EYS: variants seen among roughly 807,000 people sequenced by gnomAD.
EYS encodes EGF-like photoreceptor maintenance factor.
A neutral mutation model predicts 282.1 loss-of-function variants in EYS; 250 were observed. The ratio of observed to expected loss-of-function variants is 0.89; its 90% CI spans 0.80 to 0.98. The LOEUF (loss-of-function observed/expected upper bound fraction) is 0.98, where lower values mean the gene tolerates loss of function less well. EYS is among the 50% of genes least tolerant of loss of function. The pLI, the probability that EYS is intolerant of heterozygous loss-of-function variation, is 0.00. For missense variants in EYS, 4,016 were observed against 3,709.0 expected (o/e 1.08, Z -2.15); for synonymous variants, 1,355 against 1,282.9 (o/e 1.06, Z -1.20).
chr6:64,598,168 A>C (rs1313994408), intron 24 of EYS, among the ~76,000 whole-genome samples: 1 of 152,220 alleles, frequency 6.6e-6, no homozygotes, highest in African/African-American at 2.4e-5. Context: ...AAATTAAGAA[A>C]AAAGAGAAGG....
chr6:64,636,347 C>T (rs1201785516), intron 22 of EYS, among the ~76,000 whole-genome samples: 2 of 152,148 alleles, frequency 1.3e-5, no homozygotes, highest in African/African-American at 4.8e-5. Context: ...GGAAAGCGTT[C>T]CCTATTTAAC....
intron 28 of EYS, among the ~76,000 whole-genome samples, chr6:64,394,772 T>G (rs935858323): frequency 2.0e-5 from 3 of 151,924 alleles, no homozygotes; most frequent in Admixed American, 1.3e-4. Context: ...AAAGACAAAA[T>G]TGACAAATGG....
At chr6:64,727,506 A>T (rs1423143299) in intron 22 of EYS, among the ~76,000 whole-genome samples, 2 of 152,238 alleles carry the variant, frequency 1.3e-5, no homozygotes, top group Non-Finnish European at 2.9e-5. Flanking sequence ...CTCAGGGAAC[A>T]CATGTTATTG....
At chr6:64,970,477 C>T (rs1354036328) in intron 14 of EYS, among the ~76,000 whole-genome samples, 2 of 152,074 alleles carry the variant, frequency 1.3e-5, no homozygotes, top group African/African-American at 4.8e-5. Context: ...GAATTACAGG[C>T]GTGAACCACT....
intron 5 of EYS, among the ~76,000 whole-genome samples, chr6:65,421,868 A>G (rs1767475041): frequency 6.6e-6 from 1 of 151,936 alleles, no homozygotes; most frequent in Non-Finnish European, 1.5e-5. Flanking sequence ...AGTTTTCCGT[A>G]TTATATCGAT....
chr6:64,626,354 A>T (rs576307546), intron 22 of EYS, 109 bp from the exon 23 acceptor site: 1,770 of 1,332,992 alleles, frequency 1.3e-3, no homozygotes, highest in Non-Finnish European at 1.7e-3. Context: ...CTCCAACAAC[A>T]TGTAGCTGGG....
intron 22 of EYS, among the ~76,000 whole-genome samples, chr6:64,802,597 C>T (rs1272628750): frequency 6.6e-6 from 1 of 152,142 alleles, no homozygotes; most frequent in Admixed American, 6.6e-5. Flanking sequence ...ATTCATACTT[C>T]ATATTTTCAC....
At chr6:64,438,910 T>A (rs1774839457) in intron 27 of EYS, among the ~76,000 whole-genome samples, 1 of 151,606 alleles carries the variant, frequency 6.6e-6, no homozygotes, top group Non-Finnish European at 1.5e-5. Flanking sequence ...TGAAATCCAG[T>A]TAGCTTATTT....
intron 14 of EYS, among the ~76,000 whole-genome samples, chr6:64,982,998 C>G (rs1197715712): frequency 6.6e-6 from 1 of 151,142 alleles, no homozygotes; most frequent in Non-Finnish European, 1.5e-5. Flanking sequence ...AAATGGATGT[C>G]AAGCATAAAT....
At chr6:65,277,358 G>A (rs958724377) in intron 12 of EYS, among the ~76,000 whole-genome samples, 3 of 151,712 alleles carry the variant, frequency 2.0e-5, no homozygotes, top group East Asian at 3.9e-4. Flanking sequence ...GCTTGAACCC[G>A]GGAGCCAGAG....
At chr6:65,447,318 A>G (rs1489924029) in intron 5 of EYS, among the ~76,000 whole-genome samples, 1 of 87,758 alleles carries the variant, frequency 1.1e-5, no homozygotes, top group East Asian at 3.9e-4. Context: ...GTGTGTGTGT[A>G]TATATATGTG....
chr6:64,627,975 G>A (rs770877049), intron 22 of EYS, among the ~76,000 whole-genome samples: 2 of 152,188 alleles, frequency 1.3e-5, no homozygotes, highest in Non-Finnish European at 2.9e-5. Flanking sequence ...AGCTACTCAG[G>A]AGGCTGAGGC....
chr6:64,290,291 G>A (rs1750888015), intron 30 of EYS, among the ~76,000 whole-genome samples: 1 of 151,956 alleles, frequency 6.6e-6, no homozygotes, highest in Non-Finnish European at 1.5e-5. Context: ...CTTAATGACA[G>A]GGACTTTATT....
chr6:64,278,548 A>T (rs1768194641), intron 30 of EYS, among the ~76,000 whole-genome samples: 1 of 152,174 alleles, frequency 6.6e-6, no homozygotes, highest in Non-Finnish European at 1.5e-5. Context: ...GTTTACTGTA[A>T]TTAGGAACCC....
At chr6:64,330,046 G>C (rs192227640) in intron 29 of EYS, among the ~76,000 whole-genome samples, 4 of 152,236 alleles carry the variant, frequency 2.6e-5, no homozygotes, top group Admixed American at 1.3e-4. Context: ...GCCCAGACCT[G>C]AAGGCTTTCA....
At chr6:65,368,572 T>C (rs1234056708) in intron 8 of EYS, among the ~76,000 whole-genome samples, 1 of 151,746 alleles carries the variant, frequency 6.6e-6, no homozygotes, top group Non-Finnish European at 1.5e-5. Context: ...ACATGAATCC[T>C]GTGAAAGATG....
chr6:64,254,314 G>T (rs778624580), intron 30 of EYS, among the ~76,000 whole-genome samples: 3 of 151,982 alleles, frequency 2.0e-5, no homozygotes, highest in Non-Finnish European at 2.9e-5. Context: ...ATAACAAAAA[G>T]GTGCATGCTG....
intron 33 of EYS, among the ~76,000 whole-genome samples, chr6:64,025,044 A>G (rs1769419009): frequency 1.3e-5 from 2 of 152,130 alleles, no homozygotes; most frequent in African/African-American, 2.4e-5. Context: ...ACAATTGCCT[A>G]TCACCAAGCA....
intron 35 of EYS, among the ~76,000 whole-genome samples, chr6:63,927,264 G>A (rs1231576225): frequency 6.6e-6 from 1 of 152,152 alleles, no homozygotes; most frequent in Non-Finnish European, 1.5e-5. Context: ...TACTAATCAG[G>A]ATCCTGCACT....
Sources: gnomAD v4.1 joint callset for allele counts (sites outside exome capture counted in the v4.1 genomes callset) on GRCh38, gnomAD v4.1.1 for gene constraint, MANE v1.5 for transcripts, NCBI Gene and HGNC (gene_info 2026-07-23, HGNC 2026-07-21) for gene names.